Variants in TAF4B observed in about 807,000 individuals in gnomAD.
TAF4B encodes transcription initiation factor TFIID subunit 4B.
A neutral mutation model predicts 86.4 loss-of-function variants in TAF4B; 38 were observed. That is an observed-to-expected ratio of 0.44 (90% CI 0.34 to 0.58). TAF4B has a LOEUF of 0.58. Among genes scored for constraint, TAF4B ranks in the 20% least tolerant of loss-of-function variants. The pLI, the probability that TAF4B is intolerant of heterozygous loss-of-function variation, is 0.02. For synonymous variants in TAF4B, 388 were observed against 391.2 expected (o/e 0.99, Z 0.10); for missense variants, 988 against 1,027.6 (o/e 0.96, Z 0.53).
At chr18:26,241,504 TATTA>T (rs1185290292) in intron 1 of TAF4B, among the ~76,000 whole-genome samples, 1 of 152,206 alleles carries the variant, frequency 6.6e-6, no homozygotes, top group Admixed American at 6.5e-5. Flanking sequence ...GCTAGCGGAC[TATTA>T]ATTTTGTTGA....
At chr18:26,382,231 C>G (rs1037774613) in intron 14 of TAF4B, among the ~76,000 whole-genome samples, 1 of 152,294 alleles carries the variant, frequency 6.6e-6, no homozygotes, top group East Asian at 1.9e-4. Context: ...AAACCGATCT[C>G]TGGACATAGT....
At chr18:26,281,360 G>T (rs1007720413) in intron 5 of TAF4B, among the ~76,000 whole-genome samples, 2 of 151,882 alleles carry the variant, frequency 1.3e-5, no homozygotes, top group African/African-American at 4.8e-5. Context: ...CTCTGTCACC[G>T]CACAATTATA....
chr18:26,300,307 T>TTTATTATTATTATTA (rs57272091), intron 9 of TAF4B, among the ~76,000 whole-genome samples: 331 of 145,390 alleles, frequency 2.3e-3, no homozygotes, highest in African/African-American at 7.4e-3. Flanking sequence ...AATGTAGGCA[T>TTTATTATTATTATTA]TTATTATTAT....
chr18:26,290,263 A>G (rs1187852499), intron 7 of TAF4B, among the ~76,000 whole-genome samples: 2 of 152,056 alleles, frequency 1.3e-5, no homozygotes, highest in African/African-American at 4.8e-5. Context: ...CCTCAGCCTC[A>G]TGAGTAGCTA....
At chr18:26,256,822 T>C (rs2056091990) in intron 1 of TAF4B, among the ~76,000 whole-genome samples, 1 of 149,522 alleles carries the variant, frequency 6.7e-6, no homozygotes, top group African/African-American at 2.5e-5. Flanking sequence ...TACCCCACTT[T>C]TTTTTTTTTT....
chr18:26,260,073 A>C (rs2056142668), intron 1 of TAF4B, among the ~76,000 whole-genome samples: 1 of 152,066 alleles, frequency 6.6e-6, no homozygotes, highest in African/African-American at 2.4e-5. Context: ...TTGGCTGCAT[A>C]AATGTCTTCT....
chr18:26,285,957 A>G lies in TAF4B; in HGVS notation c.1048A>G (p.Ser350Gly). 1 of 1,614,206 alleles carries G rather than the reference A, an allele frequency of 6.2e-7. No homozygotes were observed. Among genetic ancestry groups the G allele is most frequent in the Non-Finnish European group, 8.5e-7 (1 of 1,180,018 alleles). The change falls in exon 7 of 15, where the codon AGT becomes GGT. Residue 350 changes from serine to glycine, a missense_variant. By Grantham distance (56) the Ser-to-Gly change is moderately conservative (BLOSUM62 0). Coordinates refer to ENST00000269142, the MANE Select transcript of TAF4B (RefSeq NM_005640.3). ...FIQQCVQQTS[S>G]DMVIATCTTT... ...CCAGCAATGTGTTCAGCAGACTTCT[A>G]GTGACATGGTCATTGCTACCTGTAC... is the stretch of plus-strand genomic sequence containing the variant.
Position 26,274,780 on chromosome 18 carries a change from C to A in TAF4B, c.715C>A (p.Leu239Ile). Residue 239 changes from leucine (L) to isoleucine (I), a missense_variant, in exon 4 of 15, where the codon CTT becomes ATT. Coordinates refer to ENST00000269142, the MANE Select transcript of TAF4B (RefSeq NM_005640.3). ...ASSTPSNEPN[L>I]KAENSAAVQI... ...ATCCACTCCTTCAAATGAGCCCAAT[C>A]TTAAAGCAGAGAACTCAGCAGCTGT... 1 of 1,614,198 alleles carries A rather than the reference C, an allele frequency of 6.2e-7. No homozygotes were observed. Among genetic ancestry groups the A allele is most frequent in the Non-Finnish European group, 8.5e-7 (1 of 1,180,030 alleles).
At chr18:26,346,901 GTGTGTGTATATATATATATATAGTTTTT>G (rs2057201881) in intron 13 of TAF4B, among the ~76,000 whole-genome samples, 1 of 7,564 alleles carries the variant, frequency 1.3e-4, no homozygotes, top group African/African-American at 2.1e-4. Flanking sequence ...ATATATATAT[GTGTGTGTATATATATATATATAGTTTTT>G]TGTTGTTTTT....
intron 11 of TAF4B, among the ~76,000 whole-genome samples, chr18:26,325,828 A>T (rs1247296309): frequency 6.6e-6 from 1 of 152,196 alleles, no homozygotes; most frequent in Non-Finnish European, 1.5e-5. Flanking sequence ...TTCTTTTTGT[A>T]TTAAACATGA....
In TAF4B at chr18:26,301,574, A is replaced by T. The variant is rs899025436; in HGVS notation, c.1832+8043A>T. Among the ~76,000 whole-genome samples, 31 of 152,114 alleles carry T rather than the reference A, an allele frequency of 2.0e-4. 1 individual carries two copies. The highest frequency in any genetic ancestry group is 7.2e-4 in the African/African-American group (30 of 41,414). On this transcript the variant is annotated intron_variant, in intron 9 of 14. Coordinates refer to ENST00000269142, the MANE Select transcript of TAF4B (RefSeq NM_005640.3). ...CTTCCAAAGCGCTGGGATTATAGAC[A>T]TGAGCCACCACACCCTGCCATTTGT...
At chr18:26,261,199 T>TTTTGTG (rs1491238738) in intron 1 of TAF4B, among the ~76,000 whole-genome samples, 1 of 133,562 alleles carries the variant, frequency 7.5e-6, no homozygotes, top group Non-Finnish European at 1.6e-5. Flanking sequence ...TTTTTTTTTT[T>TTTTGTG]GAGACGGAGT....
chr18:26,243,015 T>C (rs946866235), intron 1 of TAF4B, among the ~76,000 whole-genome samples: 3 of 152,196 alleles, frequency 2.0e-5, no homozygotes, highest in Non-Finnish European at 4.4e-5. Context: ...CTGCCCTTAA[T>C]ATTTTTTCCT....
At chr18:26,325,776 A>G (rs1332778203) in intron 11 of TAF4B, among the ~76,000 whole-genome samples, 2 of 152,212 alleles carry the variant, frequency 1.3e-5, no homozygotes, top group African/African-American at 4.8e-5. Flanking sequence ...AATGTATTCC[A>G]TATTCTATCT....
chr18:26,370,686 G>T (rs187222398), intron 14 of TAF4B, among the ~76,000 whole-genome samples: 324 of 152,252 alleles, frequency 2.1e-3, no homozygotes, highest in African/African-American at 5.8e-3. Context: ...GGATGGTGTG[G>T]GAATGGATCC....
At chr18:26,321,628 G>A (rs2056963748) in intron 11 of TAF4B, among the ~76,000 whole-genome samples, 1 of 150,706 alleles carries the variant, frequency 6.6e-6, no homozygotes. Context: ...AATATTTAAG[G>A]TATACAACGT....
At chr18:26,336,234 T>TG (rs2057090399) in intron 13 of TAF4B, among the ~76,000 whole-genome samples, 1 of 152,252 alleles carries the variant, frequency 6.6e-6, no homozygotes, top group South Asian at 2.1e-4. Context: ...TAAGGATCTT[T>TG]GTGCTAAATA....
chr18:26,308,031 C>T (rs1221101708), intron 9 of TAF4B, among the ~76,000 whole-genome samples: 1 of 152,010 alleles, frequency 6.6e-6, no homozygotes, highest in Non-Finnish European at 1.5e-5. Context: ...ATTGCTTGAA[C>T]CTGGGAGGCA....
chr18:26,335,241 TC>T lies in TAF4B; in HGVS notation c.2316+11del. On this transcript the variant is annotated intron_variant, in intron 13 of 14. Transcript: ENST00000269142. Reference sequence around the variant, plus strand: ...GCAGAAAGCCAAAGAGGTAGGACTTTCAAGTTACCATGCTTGTCTTTGTGTT... The same window carrying T: ...GCAGAAAGCCAAAGAGGTAGGACTTTAAGTTACCATGCTTGTCTTTGTGTT... 6.2e-7 allele frequency: 1 copy of T among 1,612,208 alleles called. No individual in the cohort carries two copies. The highest frequency in any genetic ancestry group is 8.5e-7 in the Non-Finnish European group (1 of 1,178,384).
Sources: gnomAD v4.1 joint callset for allele counts (sites outside exome capture counted in the v4.1 genomes callset) on GRCh38, gnomAD v4.1.1 for gene constraint, MANE v1.5 for transcripts, NCBI Gene and HGNC (gene_info 2026-07-23, HGNC 2026-07-21) for gene names.